Variants in ADAMTS20 observed in about 807,000 individuals in gnomAD.
ADAMTS20 encodes the protein A disintegrin and metalloproteinase with thrombospondin motifs 20.
Under a neutral mutation model 260.1 loss-of-function variants are expected in ADAMTS20, and 225 were observed. That is an observed-to-expected ratio of 0.87 (90% CI 0.78 to 0.97). ADAMTS20 has a LOEUF of 0.97. Among genes scored for constraint, ADAMTS20 ranks in the 50% least tolerant of loss-of-function variants. The probability of loss-of-function intolerance (pLI) is 0.00; values close to 1 mark genes in which losing one functional copy is unlikely to be tolerated. For missense variants in ADAMTS20, 2,400 were observed against 2,337.7 expected, an observed-to-expected ratio of 1.03 and a Z score of -0.55; for synonymous variants, 802 against 769.5, an observed-to-expected ratio of 1.04 and a Z score of -0.70.
chr12:43,493,327 C>T (rs185686793), intron 4 of ADAMTS20, 74 bp from the exon 5 acceptor site: 1 of 1,082,830 alleles, frequency 9.2e-7, no homozygotes, highest in Admixed American at 2.3e-5. Context: ...GAAATAGTCA[C>T]AGAGTATCAA....
chr12:43,375,414 T>C lies in ADAMTS20; in HGVS notation c.5411A>G (p.Lys1804Arg), dbSNP rs1478711719. Residue 1804 changes from lysine to arginine, a missense_variant, in exon 36 of 39, where the codon AAA becomes AGA. Lys to Arg is a conservative substitution (Grantham distance 26). Coordinates refer to ENST00000389420, the MANE Select transcript of ADAMTS20 (RefSeq NM_025003.5). ...CATGGAAGTGAGATCAATTCTTATTTTGCTGAAAACAGTGTATCCAGCAGC... is the reference window on the plus strand; with the variant it reads ...CATGGAAGTGAGATCAATTCTTATTCTGCTGAAAACAGTGTATCCAGCAGC... The part of the protein sequence containing the change: ...HLAAGYTVFS[K>R]IRIDLTSMQI... The C allele has an allele frequency of 2.5e-6, 4 of 1,613,598 alleles. No individual in the cohort carries two copies. The African/African-American group carries it at 5.3e-5, about 22-fold the overall frequency.
rs769679041 is a variant in ADAMTS20 at position 43,427,378 on chromosome 12, G to A, written c.4037C>T (p.Ser1346Phe). 1.2e-6 allele frequency: 2 copies of A among 1,613,944 alleles called. No homozygotes were observed. Among genetic ancestry groups the A allele is most frequent in the Non-Finnish European group, 1.7e-6 (2 of 1,179,870 alleles). The change falls in exon 27 of 39, where the codon TCC (serine) becomes TTC (phenylalanine). Residue 1346 changes from serine to phenylalanine, a missense_variant. Transcript: ENST00000389420. ...ACATTGCTGTAACTCTGGAGGCTTG[G>A]AGGCTGCATCGCAGTAACTAGCACT... ...GQSASYCDAA[S>F]KPPELQQCGP...
At chr12:43,504,267 G>C (rs1272589979) in intron 3 of ADAMTS20, among the ~76,000 whole-genome samples, 1 of 152,090 alleles carries the variant, frequency 6.6e-6, no homozygotes, top group Non-Finnish European at 1.5e-5. Context: ...ACTGATGTGA[G>C]ATGGTATCTC....
Position 43,434,294 on chromosome 12 carries a change from G to A in ADAMTS20, c.2671C>T (p.Pro891Ser). 1 of 1,592,056 alleles carries A rather than the reference G, an allele frequency of 6.3e-7. No homozygotes were observed. Among genetic ancestry groups the A allele is most frequent in the Non-Finnish European group, 8.6e-7 (1 of 1,167,768 alleles). The change falls in exon 19 of 39, where the codon CCA becomes TCA. Residue 891 changes from proline (P) to serine (S), a missense_variant. Pro to Ser is a moderately conservative substitution (Grantham distance 74). Transcript: ENST00000389420. Reference protein sequence around the residue: ...VVSDKECDHLPLPSFVTQSCN... With the variant: ...VVSDKECDHLSLPSFVTQSCN... ...CTTTGAGTAACAAATGATGGAAGTG[G>A]CAAGTGGTCACATTCTTTATCAGAC...
intron 26 of ADAMTS20, 114 bp from the exon 27 acceptor site, chr12:43,427,583 A>G: frequency 1.0e-6 from 1 of 970,896 alleles, no homozygotes; most frequent in South Asian, 2.4e-5. Flanking sequence ...CTACATTAGA[A>G]TCTCCTTCAT....
At chr12:43,513,483 C>T (rs1323200802) in intron 3 of ADAMTS20, among the ~76,000 whole-genome samples, 19 of 152,184 alleles carry the variant, frequency 1.2e-4, no homozygotes, top group Admixed American at 1.1e-3. Context: ...GGCATCTTAA[C>T]GTCTACACTT....
intron 3 of ADAMTS20, among the ~76,000 whole-genome samples, chr12:43,513,430 A>G (rs150539241): frequency 1.3e-3 from 203 of 152,254 alleles, no homozygotes; most frequent in African/African-American, 4.7e-3. Flanking sequence ...AGATTTTTTT[A>G]ATGGAAAGGA....
Position 43,504,513 on chromosome 12 carries a change from T to C in ADAMTS20, c.614-2108A>G, listed in dbSNP as rs192833859. Among the ~76,000 whole-genome samples, 11 of 152,314 alleles carry C rather than the reference T, an allele frequency of 7.2e-5. No individual in the cohort carries two copies. In the East Asian group the frequency reaches 2.1e-3, roughly 29 times the overall value. ...CCTAAAACTTTTTCTTGCCATTTTC[T>C]CCTGAAGTGACTTGGTCACTAAAAT... On this transcript the variant is annotated intron_variant, in intron 3 of 38. Coordinates refer to ENST00000389420, the MANE Select transcript of ADAMTS20 (RefSeq NM_025003.5).
intron 37 of ADAMTS20, among the ~76,000 whole-genome samples, chr12:43,362,388 A>T (rs1939889553): frequency 6.6e-6 from 1 of 152,198 alleles, no homozygotes; most frequent in South Asian, 2.1e-4. Flanking sequence ...ACCATGTTGG[A>T]GGTAGGTACT....
intron 38 of ADAMTS20, 68 bp from the exon 39 acceptor site, chr12:43,354,366 A>G: frequency 8.6e-7 from 1 of 1,165,738 alleles, no homozygotes; most frequent in Middle Eastern, 1.9e-4. Context: ...AATAGCAGAA[A>G]AAGCAAATGC....
At chr12:43,449,859 G>C (rs987952241) in intron 14 of ADAMTS20, among the ~76,000 whole-genome samples, 1 of 151,852 alleles carries the variant, frequency 6.6e-6, no homozygotes, top group Non-Finnish European at 1.5e-5. Flanking sequence ...CACATGGGGT[G>C]GTATTTAAAA....
chr12:43,431,814 T>C (rs2137308238), intron 21 of ADAMTS20, among the ~76,000 whole-genome samples: 1 of 152,304 alleles, frequency 6.6e-6, no homozygotes, highest in African/African-American at 2.4e-5. Context: ...TCAGTTAGTG[T>C]TATTACTAGT....
At chr12:43,397,740 C>T (rs1940733491) in intron 29 of ADAMTS20, among the ~76,000 whole-genome samples, 1 of 152,104 alleles carries the variant, frequency 6.6e-6, no homozygotes, top group Non-Finnish European at 1.5e-5. Context: ...GAAGCAAATG[C>T]CCAATAATAC....
At chr12:43,362,232 C>T (rs575185934) in intron 37 of ADAMTS20, among the ~76,000 whole-genome samples, 4 of 152,214 alleles carry the variant, frequency 2.6e-5, no homozygotes, top group African/African-American at 4.8e-5. Context: ...AAAAACTGTT[C>T]AGAATGTTAA....
intron 4 of ADAMTS20, among the ~76,000 whole-genome samples, chr12:43,501,465 GC>G (rs1942760607): frequency 8.6e-5 from 3 of 34,862 alleles, no homozygotes; most frequent in Non-Finnish European, 1.5e-4. Flanking sequence ...GGGGATACGC[GC>G]GCGCGCGCGC....
chr12:43,516,150 T>C (rs982787012), intron 3 of ADAMTS20, among the ~76,000 whole-genome samples: 3 of 152,094 alleles, frequency 2.0e-5, no homozygotes, highest in African/African-American at 4.8e-5. Context: ...ATTTGTTTCC[T>C]GTCCTGGTGA....
chr12:43,404,404 T>C (rs1187173224), intron 28 of ADAMTS20, among the ~76,000 whole-genome samples: 3 of 152,174 alleles, frequency 2.0e-5, no homozygotes, highest in Non-Finnish European at 4.4e-5. Context: ...ATTTAGATGG[T>C]ACATTTCCAA....
At chr12:43,526,765 C>T (rs1176510092) in intron 3 of ADAMTS20, among the ~76,000 whole-genome samples, 1 of 152,082 alleles carries the variant, frequency 6.6e-6, no homozygotes, top group Non-Finnish European at 1.5e-5. Context: ...ATCTAATATA[C>T]ACCTCAAGGA....
At chr12:43,481,858 G>A (rs946098283) in intron 7 of ADAMTS20, among the ~76,000 whole-genome samples, 6 of 151,964 alleles carry the variant, frequency 3.9e-5, no homozygotes, top group Admixed American at 2.0e-4. Context: ...GAACTTAACC[G>A]AAAAATGGAA....
Sources: gnomAD v4.1 joint callset for allele counts (sites outside exome capture counted in the v4.1 genomes callset) on GRCh38, gnomAD v4.1.1 for gene constraint, MANE v1.5 for transcripts, NCBI Gene and HGNC (gene_info 2026-07-23, HGNC 2026-07-21) for gene names.